Variants in PYGO2 observed in about 807,000 individuals in gnomAD.
PYGO2 encodes the protein pygopus family PHD finger 2.
PYGO2 carries 9 observed loss-of-function variants against 26.7 expected under a neutral mutation model. That is an observed-to-expected ratio of 0.34 (90% CI 0.20 to 0.59). PYGO2 has a LOEUF of 0.59. Among genes scored for constraint, PYGO2 ranks in the 20% least tolerant of loss-of-function variants. PYGO2 has a pLI of 0.84. For synonymous variants in PYGO2, 236 were observed against 219.0 expected, an observed-to-expected ratio of 1.08 and a Z score of -0.68; for missense variants, 538 against 561.5, an observed-to-expected ratio of 0.96 and a Z score of 0.42.
At position 154,959,320 on chromosome 1, in the gene PYGO2, AGAG is replaced by A. The variant is rs781498578; in HGVS notation, c.677_679del (p.Pro226del). The A allele has an allele frequency of 4.2e-5, 67 of 1,604,268 alleles. No homozygotes were observed. The East Asian group carries it at 8.3e-4, about 20-fold the overall frequency. ...GGGGAGCCCCTGACCAGGTCTCTGG[AGAG>A]GAGAAGGGCCAAAAGGAGCCCCTGG... On this transcript the variant is annotated inframe_deletion, in exon 3 of 3. Transcript: ENST00000368457. The surrounding 1 kb of genome is among the most constrained non-coding windows in gnomAD (Gnocchi z 4.7).
chr1:154,961,050 C>G (rs374825275), intron 1 of PYGO2, 24 bp from the exon 2 acceptor site: 4 of 1,607,910 alleles, frequency 2.5e-6, no homozygotes, highest in South Asian at 1.1e-5. Context: ...AAAAGGAAGA[C>G]GCAGACAAGT....
chr1:154,957,934 C>A lies in PYGO2; in HGVS notation c.*845G>T, dbSNP rs530430759. ...CGGAGTATAATGTGCAACAGATGGG[C>A]TGGGGGAGGAGGGTACCACCAAAGT... On this transcript the variant is annotated 3_prime_UTR_variant, in exon 3 of 3. Coordinates refer to ENST00000368457, the MANE Select transcript of PYGO2 (RefSeq NM_138300.4). 9 of 152,812 alleles carry A rather than the reference C, an allele frequency of 5.9e-5. No individual in the cohort carries two copies. Among genetic ancestry groups the A allele is most frequent in the African/African-American group, 1.9e-4 (8 of 41,534 alleles). The allele number at this position is 152,812 out of a possible 1,614,324, so 9.5% of individuals were successfully genotyped here. A position where few individuals can be genotyped will look rare whatever the true frequency, so the allele number is the denominator to read the frequency against.
At chr1:154,961,453 C>G in intron 1 of PYGO2, 21 bp downstream of exon 1, 1 of 1,459,472 alleles carries the variant, frequency 6.9e-7, no homozygotes, top group Non-Finnish European at 9.1e-7. Flanking sequence ...CTTCAGCCCC[C>G]GCCCCTCGCA....
chr1:154,959,572 G>A lies in PYGO2; in HGVS notation c.428C>T (p.Pro143Leu), dbSNP rs777979350. 6.8e-7 allele frequency: 1 copy of A among 1,461,488 alleles called. No homozygotes were observed. The highest frequency in any genetic ancestry group is 1.5e-5 in the South Asian group (1 of 67,442). The allele number at this position is 1,461,488 out of a possible 1,614,324, so 90.5% of individuals were successfully genotyped here. The change falls in exon 3 of 3, where the codon CCT becomes CTT. Residue 143 changes from proline to leucine, a missense_variant. Coordinates refer to ENST00000368457, the MANE Select transcript of PYGO2 (RefSeq NM_138300.4). The surrounding 1 kb of genome is among the most constrained non-coding windows in gnomAD (Gnocchi z 4.7). ...PPPFPPNPMG[P>L]AFNMPPQGPG... ...ACCCTGGGGGGGCATGTTGAAAGCA[G>A]GGCCCATAGGATTGGGAGGGAAGGG...
Position 154,958,976 on chromosome 1 carries a change from C to G in PYGO2, c.1024G>C (p.Asp342His). The G allele has an allele frequency of 2.5e-6, 4 of 1,614,046 alleles. No individual in the cohort carries two copies. The highest frequency in any genetic ancestry group is 3.4e-6 in the Non-Finnish European group (4 of 1,180,042). Residue 342 changes from aspartate (D) to histidine (H), a missense_variant, in exon 3 of 3, where the codon GAT (aspartate) becomes CAT (histidine). By Grantham distance (81) the Asp-to-His change is moderately conservative. Around this residue, in one of 4 missense-constraint regions of PYGO2, gnomAD observed 72 missense variants for 111.9 expected, o/e 0.64. Coordinates refer to ENST00000368457, the MANE Select transcript of PYGO2 (RefSeq NM_138300.4). ...CAGGAGGCCTCACACAGAATGGCAT[C>G]CTGGTCATCGTTCACCTCACTCCGA... ...ACRSEVNDDQ[D>H]AILCEASCQK...
rs201208639 is a variant in PYGO2, at chr1:154,959,280, G to A, written c.720C>T (p.Asn240=). The change falls in exon 3 of 3, where the codon AAC becomes AAT. Residue 240 remains asparagine, a synonymous_variant. Transcript: ENST00000368457. This position sits in a 1 kb window ranked among gnomAD's most constrained non-coding sequence, Gnocchi z 4.7. ...GGTCCGGACCAGGAAAGGGACTTGTGTTAGGCGGCAGGCTGGGGAGCCCCT... is the reference window on the plus strand; with the variant it reads ...GGTCCGGACCAGGAAAGGGACTTGTATTAGGCGGCAGGCTGGGGAGCCCCT... The part of the protein sequence containing the change: ...PGQGLPSLPP[N]TSPFPGPDPG... 1 of 1,579,248 alleles carries A rather than the reference G, an allele frequency of 6.3e-7. No homozygotes were observed. The highest frequency in any genetic ancestry group is 2.2e-5 in the East Asian group (1 of 44,694).
In PYGO2 at chr1:154,959,746, G is replaced by T; in HGVS notation, c.254C>A (p.Pro85His). The T allele has an allele frequency of 7.1e-7, 1 of 1,400,066 alleles. No individual in the cohort carries two copies. Among genetic ancestry groups the T allele is most frequent in the Non-Finnish European group, 9.4e-7 (1 of 1,067,826 alleles). The allele number at this position is 1,400,066 out of a possible 1,614,324, so 86.7% of individuals were successfully genotyped here. A position where few individuals can be genotyped will look rare whatever the true frequency, so the allele number is the denominator to read the frequency against. The change falls in exon 3 of 3, where the codon CCC becomes CAC. Residue 85 changes from proline (P) to histidine (H), a missense_variant. Physicochemically the swap from Pro to His is moderately conservative, Grantham distance 77. Around this residue, in one of 4 missense-constraint regions of PYGO2, gnomAD observed 381 missense variants for 336.6 expected, o/e 1.13. Transcript: ENST00000368457. This position sits in a 1 kb window ranked among gnomAD's most constrained non-coding sequence, Gnocchi z 4.7. Reference protein sequence around the residue: ...SNPFEDDFGAPKVGVAAPPFL... With the variant: ...SNPFEDDFGAHKVGVAAPPFL... Reference sequence around the variant, plus strand: ...TGGAGGGGCTGCAACCCCCACTTTGGGGGCTCCGAAGTCATCTTCAAAAGG... The same window carrying T: ...TGGAGGGGCTGCAACCCCCACTTTGTGGGCTCCGAAGTCATCTTCAAAAGG...
intron 1 of PYGO2, 37 bp from the exon 2 acceptor site, chr1:154,961,063 C>T (rs764108701): frequency 6.2e-7 from 1 of 1,600,532 alleles, no homozygotes; most frequent in Non-Finnish European, 8.5e-7. Flanking sequence ...AGACAAGTTT[C>T]CCTGAGGTTT....
Position 154,957,948 on chromosome 1 carries a change from T to C in PYGO2, c.*831A>G, listed in dbSNP as rs920960490. 2.0e-5 allele frequency: 3 copies of C among 152,438 alleles called. No individual in the cohort carries two copies. The highest frequency in any genetic ancestry group is 7.3e-5 in the African/African-American group (3 of 41,308). The allele number at this position is 152,438 out of a possible 1,614,324, so 9.4% of individuals were successfully genotyped here. A position where few individuals can be genotyped will look rare whatever the true frequency, so the allele number is the denominator to read the frequency against. On this transcript the variant is annotated 3_prime_UTR_variant, in exon 3 of 3. Coordinates refer to ENST00000368457, the MANE Select transcript of PYGO2 (RefSeq NM_138300.4). The stretch of plus-strand genomic sequence containing the variant: ...CAACAGATGGGCTGGGGGAGGAGGG[T>C]ACCACCAAAGTCCAGACTTTCAGGA...
chr1:154,958,433 T>C lies in PYGO2; in HGVS notation c.*346A>G, dbSNP rs149808382. 3.2e-5 allele frequency: 9 copies of C among 277,460 alleles called. No homozygotes were observed. Among genetic ancestry groups the C allele is most frequent in the African/African-American group, 2.0e-4 (9 of 45,552 alleles). The allele number at this position is 277,460 out of a possible 1,614,324, so 17.2% of individuals were successfully genotyped here. A position where few individuals can be genotyped will look rare whatever the true frequency, so the allele number is the denominator to read the frequency against. Reference sequence around the variant, plus strand: ...TAGGCACAGGTGTTAGGGGCATCCATCATCAGCAGAGGGAACACCCCTGCC... The same window carrying C: ...TAGGCACAGGTGTTAGGGGCATCCACCATCAGCAGAGGGAACACCCCTGCC... On this transcript the variant is annotated 3_prime_UTR_variant, in exon 3 of 3. Coordinates refer to ENST00000368457, the MANE Select transcript of PYGO2 (RefSeq NM_138300.4).
Position 154,959,539 on chromosome 1 carries a change from T to G in PYGO2, c.461A>C (p.Tyr154Ser), listed in dbSNP as rs1437076502. 6.9e-7 allele frequency: 1 copy of G among 1,447,438 alleles called. No individual in the cohort carries two copies. The highest frequency in any genetic ancestry group is 9.1e-7 in the Non-Finnish European group (1 of 1,095,726). The allele number at this position is 1,447,438 out of a possible 1,614,324, so 89.7% of individuals were successfully genotyped here. ...AFNMPPQGPG[Y>S]PPPGNMNFPS... is the part of the protein sequence containing the mutation. ...AAAGTTCATGTTGCCTGGGGGTGGGTAGCCAGGACCCTGGGGGGGCATGTT... is the reference window on the plus strand; with the variant it reads ...AAAGTTCATGTTGCCTGGGGGTGGGGAGCCAGGACCCTGGGGGGGCATGTT... Residue 154 changes from tyrosine to serine, a missense_variant, in exon 3 of 3, where the codon TAC (tyrosine) becomes TCC (serine). Tyr to Ser is a moderately radical substitution (Grantham distance 144). Around this residue, in one of 4 missense-constraint regions of PYGO2, gnomAD observed 381 missense variants for 336.6 expected, o/e 1.13. Transcript: ENST00000368457. This position sits in a 1 kb window ranked among gnomAD's most constrained non-coding sequence, Gnocchi z 4.7.
chr1:154,959,596 G>C lies in PYGO2; in HGVS notation c.404C>G (p.Pro135Arg), dbSNP rs368768923. 6 of 1,441,666 alleles carry C rather than the reference G, an allele frequency of 4.2e-6. No individual in the cohort carries two copies. Among genetic ancestry groups the C allele is most frequent in the South Asian group, 1.5e-5 (1 of 64,928 alleles). The allele number at this position is 1,441,666 out of a possible 1,614,324, so 89.3% of individuals were successfully genotyped here. A position where few individuals can be genotyped will look rare whatever the true frequency, so the allele number is the denominator to read the frequency against. ...GPQPLRRQPPPFPPNPMGPAF... is the reference protein window; with the variant it reads ...GPQPLRRQPPRFPPNPMGPAF... Reference sequence around the variant, plus strand: ...AGGGCCCATAGGATTGGGAGGGAAGGGGGGTGGCTGTCGACGGAGTGGCTG... The same window carrying C: ...AGGGCCCATAGGATTGGGAGGGAAGCGGGGTGGCTGTCGACGGAGTGGCTG... Residue 135 changes from proline (P) to arginine (R), a missense_variant, in exon 3 of 3, where the codon CCC (proline) becomes CGC (arginine). Transcript: ENST00000368457. The surrounding 1 kb of genome is among the most constrained non-coding windows in gnomAD (Gnocchi z 4.7).
Position 154,959,874 on chromosome 1 carries a change from G to A in PYGO2, c.154-28C>T, listed in dbSNP as rs756048023. 1.9e-5 allele frequency: 23 copies of A among 1,235,464 alleles called. No homozygotes were observed. Among genetic ancestry groups the A allele is most frequent in the Non-Finnish European group, 2.4e-5 (23 of 948,830 alleles). The allele number at this position is 1,235,464 out of a possible 1,614,324, so 76.5% of individuals were successfully genotyped here. A position where few individuals can be genotyped will look rare whatever the true frequency, so the allele number is the denominator to read the frequency against. On this transcript the variant is annotated intron_variant, in intron 2 of 2. Transcript: ENST00000368457. This position sits in a 1 kb window ranked among gnomAD's most constrained non-coding sequence, Gnocchi z 4.7. ...AGTGAGAAACAGTTGAGGGAAAGAGGGTCATGGAGGGAAACACAGAGCTAA... is the reference window on the plus strand; with the variant it reads ...AGTGAGAAACAGTTGAGGGAAAGAGAGTCATGGAGGGAAACACAGAGCTAA...
chr1:154,959,418 G>A lies in PYGO2; in HGVS notation c.582C>T (p.Ile194=). The A allele has an allele frequency of 6.4e-7, 1 of 1,566,302 alleles. No individual in the cohort carries two copies. The change falls in exon 3 of 3, where the codon ATC becomes ATT. Residue 194 remains isoleucine (I), a synonymous_variant. Transcript: ENST00000368457. This position sits in a 1 kb window ranked among gnomAD's most constrained non-coding sequence, Gnocchi z 4.7. Reference sequence around the variant, plus strand: ...TGGGAGGCTGTCCCATGGTGGGTGAGATCATGGGACCAAATCCCCCCACTG... The same window carrying A: ...TGGGAGGCTGTCCCATGGTGGGTGAAATCATGGGACCAAATCCCCCCACTG... ...PGPVGGFGPM[I]SPTMGQPPRA...
intron 2 of PYGO2, 65 bp downstream of exon 2, chr1:154,960,912 G>C: frequency 7.1e-7 from 1 of 1,406,474 alleles, no homozygotes. Context: ...TACTGGAATG[G>C]CAGAGTAGAC....
chr1:154,959,434 C>G lies in PYGO2; in HGVS notation c.566G>C (p.Gly189Ala). 6.5e-7 allele frequency: 1 copy of G among 1,539,450 alleles called. No homozygotes were observed. The highest frequency in any genetic ancestry group is 8.7e-7 in the Non-Finnish European group (1 of 1,145,094). The change falls in exon 3 of 3, where the codon GGA (glycine) becomes GCA (alanine). Residue 189 changes from glycine to alanine, a missense_variant. Physicochemically the swap from Gly to Ala is moderately conservative, Grantham distance 60 (BLOSUM62 0). Around this residue, in one of 4 missense-constraint regions of PYGO2, gnomAD observed 381 missense variants for 336.6 expected, o/e 1.13. Transcript: ENST00000368457. The surrounding 1 kb of genome is among the most constrained non-coding windows in gnomAD (Gnocchi z 4.7). ...SGQMMPGPVG[G>A]FGPMISPTMG... ...GGTGGGTGAGATCATGGGACCAAAT[C>G]CCCCCACTGGGCCCGGCATCATCTG...
chr1:154,960,718 G>A (rs2101996504), intron 2 of PYGO2, among the ~76,000 whole-genome samples: 1 of 152,298 alleles, frequency 6.6e-6, no homozygotes, highest in Admixed American at 6.5e-5. Context: ...TCATCAGGAG[G>A]AAACCAGGAC....
At chr1:154,960,738 G>A (rs889276793) in intron 2 of PYGO2, among the ~76,000 whole-genome samples, 1 of 152,212 alleles carries the variant, frequency 6.6e-6, no homozygotes, top group Non-Finnish European at 1.5e-5. Flanking sequence ...CAGGAAACAT[G>A]GAGGAGACTG....
In PYGO2 at chr1:154,961,029, G is replaced by T. The variant is rs1655342289; in HGVS notation, c.104-3C>A. 6.2e-7 allele frequency: 1 copy of T among 1,610,816 alleles called. No homozygotes were observed. The highest frequency in any genetic ancestry group is 8.5e-7 in the Non-Finnish European group (1 of 1,178,718). On this transcript the variant is annotated splice_polypyrimidine_tract_variant and splice_region_variant and intron_variant, in intron 1 of 2. Transcript: ENST00000368457. Reference sequence around the variant, plus strand: ...TTCTGGACTCTTCATTTGCAGACCTGGAAGAGCGGCAAAAGGAAGACGCAG... The same window carrying T: ...TTCTGGACTCTTCATTTGCAGACCTTGAAGAGCGGCAAAAGGAAGACGCAG...
Sources: allele counts gnomAD v4.1 joint callset (sites outside exome capture counted in the v4.1 genomes callset), GRCh38; gene constraint gnomAD v4.1.1; regional missense constraint gnomAD v4.1.1; non-coding constraint Gnocchi (gnomAD v3.1); transcripts MANE v1.5; gene names NCBI Gene and HGNC (gene_info 2026-07-23, HGNC 2026-07-21).